Variants in HBS1L observed in about 807,000 individuals in gnomAD.
HBS1L encodes HBS1 like translational GTPase.
HBS1L carries 55 observed loss-of-function variants against 88.9 expected under a neutral mutation model. That is an observed-to-expected ratio of 0.62 (90% confidence interval 0.50 to 0.77). HBS1L has a LOEUF of 0.77. Ranked by LOEUF, HBS1L falls within the 30% of genes least tolerant of loss-of-function variation. The pLI is 0.00. For missense variants in HBS1L, 741 were observed against 829.3 expected, an observed-to-expected ratio of 0.89 and a Z score of 1.31; for synonymous variants, 267 against 288.5, an observed-to-expected ratio of 0.93 and a Z score of 0.76.
At chr6:134,968,752 C>CAAAA (rs34140771) in intron 16 of HBS1L, among the ~76,000 whole-genome samples, 1 of 89,298 alleles carries the variant, frequency 1.1e-5, no homozygotes, top group Admixed American at 1.0e-4. Context: ...GGACTTTGAG[C>CAAAA]AAAAAAAAAA....
At chr6:135,002,884 A>G in intron 4 of HBS1L, 42 bp from the exon 5 acceptor site, 1 of 1,156,142 alleles carries the variant, frequency 8.6e-7, no homozygotes, top group Non-Finnish European at 1.3e-6. Flanking sequence ...TAATTTCTTT[A>G]GTAATATAAA....
chr6:135,049,994 G>C (rs1777029959), intron 2 of HBS1L, among the ~76,000 whole-genome samples: 1 of 152,264 alleles, frequency 6.6e-6, no homozygotes, highest in South Asian at 2.1e-4. Flanking sequence ...CTCAGCCTTT[G>C]CTGGGAAGAA....
chr6:135,002,925 GATT>G (rs1244460382), intron 4 of HBS1L, 83 bp from the exon 5 acceptor site: 1 of 772,266 alleles, frequency 1.3e-6, no homozygotes, highest in African/African-American at 1.8e-5. Flanking sequence ...TTAAATTATA[GATT>G]ATGATAACTT....
intron 4 of HBS1L, among the ~76,000 whole-genome samples, chr6:135,008,831 C>T (rs2327578): frequency 0.47 from 70,798 of 151,678 alleles, 16,826 homozygotes; most frequent in South Asian, 0.56. Context: ...GTGCCTTACA[C>T]GTTCACGCAG....
At chr6:134,991,124 T>C (rs1330622422) in intron 8 of HBS1L, among the ~76,000 whole-genome samples, 1 of 151,982 alleles carries the variant, frequency 6.6e-6, no homozygotes. Context: ...ATTGTATTCT[T>C]TGGTAAATGC....
chr6:135,054,813 C>A lies in HBS1L; in HGVS notation c.-122G>T. 8.1e-7 allele frequency: 1 copy of A among 1,240,092 alleles called. No homozygotes were observed. 76.8% of individuals were successfully genotyped at this position (1,240,092 alleles called of 1,614,324 possible). The stretch of plus-strand genomic sequence containing the variant: ...ATGCGCCATCTTGGCTTCCCGCAGG[C>A]CTCTGCGCCGAGCGCCTGCGCAAGC... On this transcript the variant is annotated 5_prime_UTR_variant, in exon 1 of 18. Coordinates refer to ENST00000367837, the MANE Select transcript of HBS1L (RefSeq NM_006620.4).
chr6:134,986,585 A>G (rs1485475007), intron 10 of HBS1L, 151 bp downstream of exon 10: 1 of 470,626 alleles, frequency 2.1e-6, no homozygotes. Flanking sequence ...GAAATAATCC[A>G]AAGAATATAT....
chr6:134,993,751 C>T lies in HBS1L; in HGVS notation c.1083+7G>A. The T allele has an allele frequency of 4.4e-6, 6 of 1,373,778 alleles. No homozygotes were observed. Among genetic ancestry groups the T allele is most frequent in the South Asian group, 1.4e-5 (1 of 71,502 alleles). 85.1% of individuals were successfully genotyped at this position (1,373,778 alleles called of 1,614,324 possible). A position where few individuals can be genotyped will look rare whatever the true frequency, so the allele number is the denominator to read the frequency against. On this transcript the variant is annotated splice_region_variant and intron_variant, in intron 8 of 17. Transcript: ENST00000367837. ...CAGCACACTATAGTGAAGAAAACAG[C>T]AGTTACCTGGGCTGCTCCTGTAATC...
At chr6:134,998,080 T>C (rs1369305101) in intron 5 of HBS1L, among the ~76,000 whole-genome samples, 1 of 152,230 alleles carries the variant, frequency 6.6e-6, no homozygotes, top group African/African-American at 2.4e-5. Context: ...GATAGACTTA[T>C]GATCTTTTTT....
At chr6:134,965,422 T>C (rs1774284483) in intron 17 of HBS1L, 132 bp from the exon 18 acceptor site, 1 of 646,088 alleles carries the variant, frequency 1.5e-6, no homozygotes, top group Admixed American at 3.1e-5. Context: ...TGCAACTTTC[T>C]TCCTTTCCTA....
At chr6:135,031,522 G>T (rs889738572) in intron 4 of HBS1L, among the ~76,000 whole-genome samples, 6 of 152,004 alleles carry the variant, frequency 3.9e-5, no homozygotes, top group African/African-American at 1.2e-4. Context: ...GATGAACCAA[G>T]GATGATACTA....
At chr6:135,042,241 A>G in intron 2 of HBS1L, 115 bp from the exon 3 acceptor site, 1 of 865,840 alleles carries the variant, frequency 1.2e-6, no homozygotes, top group Non-Finnish European at 1.7e-6. Flanking sequence ...AGTTACCCAT[A>G]TTTCATAAGG....
chr6:134,992,637 T>C (rs868565784), intron 8 of HBS1L, among the ~76,000 whole-genome samples: 11 of 152,142 alleles, frequency 7.2e-5, no homozygotes, highest in African/African-American at 2.4e-4. Flanking sequence ...AAAAAGCTTA[T>C]GGAATAAGAC....
intron 1 of HBS1L, 100 bp downstream of exon 1, chr6:135,054,549 C>T (rs1470353554): frequency 2.2e-6 from 3 of 1,376,136 alleles, no homozygotes; most frequent in East Asian, 2.4e-5. Context: ...CCCGACAGGG[C>T]AACACTGACG....
At chr6:135,036,518 TA>T in intron 4 of HBS1L, 1 of 1,410,098 alleles carries the variant, frequency 7.1e-7, no homozygotes, top group Non-Finnish European at 9.2e-7. Context: ...TAATTAAAAA[TA>T]AAAAGCTCTA....
chr6:135,013,448 T>G lies in HBS1L; in HGVS notation c.431-10606A>C, dbSNP rs577724123. ...ACTGAAATAAACAGACCCAAGAATG[T>G]GGTGAGACATAAGATTAGAAAAGCA... On this transcript the variant is annotated intron_variant, in intron 4 of 17. Transcript: ENST00000367837. Among the ~76,000 whole-genome samples the G allele has an allele frequency of 5.3e-5, 8 of 152,318 alleles. No homozygotes were observed. The South Asian group carries it at 1.7e-3, about 32-fold the overall frequency.
rs1337265534 is a variant in HBS1L at position 134,961,976 on chromosome 6, T to C, written c.*3303A>G. 1.3e-5 allele frequency: 2 copies of C among 152,180 alleles called. No homozygotes were observed. The highest frequency in any genetic ancestry group is 2.9e-5 in the Non-Finnish European group (2 of 68,028). 9.4% of individuals were successfully genotyped at this position (152,180 alleles called of 1,614,324 possible). A position where few individuals can be genotyped will look rare whatever the true frequency, so the allele number is the denominator to read the frequency against. On this transcript the variant is annotated 3_prime_UTR_variant, in exon 18 of 18. Transcript: ENST00000367837. ...CTTAAAGTTTTGAATTATCTCTTTA[T>C]GATACCCTGTCCCCTGGTTGGACTA...
At chr6:134,990,812 A>G (rs543043404) in intron 8 of HBS1L, among the ~76,000 whole-genome samples, 11 of 152,294 alleles carry the variant, frequency 7.2e-5, no homozygotes, top group Non-Finnish European at 1.3e-4. Flanking sequence ...TCAGCCTCCC[A>G]AAGTGCTGGG....
At position 134,961,090 on chromosome 6, in the gene HBS1L, C is replaced by CTTTTTTTTTTTTTT. The variant is rs58274929; in HGVS notation, c.*4175_*4188dup. ...TTGCTGTACAGACTTAGTTTCTTTG[C>CTTTTTTTTTTTTTT]TTTTTTTTTTTTTTTTTTTGCATTG... On this transcript the variant is annotated 3_prime_UTR_variant, in exon 18 of 18. Coordinates refer to ENST00000367837, the MANE Select transcript of HBS1L (RefSeq NM_006620.4). 1.3e-3 allele frequency: 135 copies of CTTTTTTTTTTTTTT among 106,224 alleles called. No homozygotes were observed. The highest frequency in any genetic ancestry group is 1.5e-3 in the Non-Finnish European group (84 of 54,240). 6.6% of individuals were successfully genotyped at this position (106,224 alleles called of 1,614,324 possible).
Sources: gnomAD v4.1 joint callset for allele counts (sites outside exome capture counted in the v4.1 genomes callset) on GRCh38, gnomAD v4.1.1 for gene constraint, MANE v1.5 for transcripts, NCBI Gene and HGNC (gene_info 2026-07-23, HGNC 2026-07-21) for gene names.